RUFY2: variants seen among roughly 807,000 people sequenced by gnomAD.
RUFY2 encodes the protein RUN and FYVE domain containing 2.
Under a neutral mutation model 94.4 loss-of-function variants are expected in RUFY2, and 49 were observed. The ratio of observed to expected loss-of-function variants is 0.52; its 90% CI spans 0.41 to 0.66. The LOEUF is 0.66. Ranked by LOEUF, RUFY2 falls within the 30% of genes least tolerant of loss-of-function variation. The pLI, the probability that RUFY2 is intolerant of heterozygous loss-of-function variation, is 0.00. For missense variants in RUFY2, 541 were observed against 692.8 expected (o/e 0.78, Z 2.46); for synonymous variants, 255 against 235.7 (o/e 1.08, Z -0.75).
intron 4 of RUFY2, among the ~76,000 whole-genome samples, chr10:68,395,102 C>A (rs540489573): frequency 6.6e-6 from 1 of 151,824 alleles, no homozygotes; most frequent in South Asian, 2.1e-4. Context: ...CTTTGGGAGG[C>A]CAAGGCGGGA....
Position 68,343,554 on chromosome 10 carries a change from CATTTT to C in RUFY2, c.*2209_*2213del, listed in dbSNP as rs1270851721. 1.3e-5 allele frequency: 2 copies of C among 152,420 alleles called. No individual in the cohort carries two copies. Among genetic ancestry groups the C allele is most frequent in the African/African-American group, 4.8e-5 (2 of 41,368 alleles). 9.4% of individuals were successfully genotyped at this position (152,420 alleles called of 1,614,324 possible). A position where few individuals can be genotyped will look rare whatever the true frequency, so the allele number is the denominator to read the frequency against. On this transcript the variant is annotated 3_prime_UTR_variant, in exon 18 of 18. Transcript: ENST00000602465. ...ATATTTATTTAGTTCATAAAATTCA[CATTTT>C]ATTTTTTAAACATTATAGGTTAGAA...
chr10:68,378,128 G>A (rs1221192846), intron 12 of RUFY2: 2 of 985,732 alleles, frequency 2.0e-6, no homozygotes, highest in African/African-American at 3.5e-5. Context: ...GTGTTGGCCA[G>A]TCTGGGTTAT....
At chr10:68,402,780 G>A (rs982694021) in intron 2 of RUFY2, among the ~76,000 whole-genome samples, 10 of 146,868 alleles carry the variant, frequency 6.8e-5, no homozygotes, top group Non-Finnish European at 8.9e-5. Flanking sequence ...ATAAAATATC[G>A]CACAGCTATT....
chr10:68,384,141 T>C lies in RUFY2; in HGVS notation c.732A>G (p.Ala244=), dbSNP rs762736449. The C allele has an allele frequency of 6.2e-7, 1 of 1,606,794 alleles. No individual in the cohort carries two copies. Among genetic ancestry groups the C allele is most frequent in the South Asian group, 1.1e-5 (1 of 89,908 alleles). The change falls in exon 9 of 18, where the codon GCA becomes GCG. Residue 244 remains alanine (A), a synonymous_variant. Transcript: ENST00000602465. ...NTKLIEELAI[A]KNNIIKLQEE... ...CCTGGAGTTTAATGATGTTATTCTT[T>C]GCTATTGCTAACTAAAAATTAAGAA...
At chr10:68,404,879 T>C (rs1397159865) in intron 1 of RUFY2, 35 bp from the exon 2 acceptor site, 1 of 1,503,624 alleles carries the variant, frequency 6.7e-7, no homozygotes, top group Non-Finnish European at 9.0e-7. Context: ...ACATCATTTG[T>C]AAGACATGAC....
chr10:68,398,436 G>C (rs1409455005), intron 3 of RUFY2, among the ~76,000 whole-genome samples: 4 of 152,004 alleles, frequency 2.6e-5, no homozygotes, highest in Non-Finnish European at 4.4e-5. Flanking sequence ...TGGATCACTT[G>C]AGGTCAGGAG....
intron 12 of RUFY2, 90 bp downstream of exon 12, chr10:68,379,334 C>T: frequency 3.1e-6 from 3 of 973,516 alleles, no homozygotes; most frequent in African/African-American, 1.7e-5. Flanking sequence ...TCTATGTCTT[C>T]CTAATGGTTT....
chr10:68,368,934 G>C (rs1185870999), intron 13 of RUFY2, among the ~76,000 whole-genome samples: 1 of 152,084 alleles, frequency 6.6e-6, no homozygotes, highest in Non-Finnish European at 1.5e-5. Flanking sequence ...CCCTATTCCA[G>C]CAAAACACCC....
intron 7 of RUFY2, among the ~76,000 whole-genome samples, chr10:68,389,686 TG>T (rs1455070153): frequency 6.6e-6 from 1 of 151,994 alleles, no homozygotes; most frequent in Admixed American, 6.6e-5. Context: ...CCCAGAACTT[TG>T]GGAGGCCCAG....
chr10:68,355,323 C>A (rs553090568), intron 16 of RUFY2, 30 bp downstream of exon 16: 4 of 1,552,636 alleles, frequency 2.6e-6, no homozygotes, highest in South Asian at 2.2e-5. Context: ...TTTCACATAC[C>A]TTCCCACTTT....
downstream of RUFY2, chr10:68,343,133 T>G (rs550460075): frequency 6.6e-6 from 1 of 152,366 alleles, no homozygotes; most frequent in South Asian, 2.1e-4. Flanking sequence ...ATTCAGTTAT[T>G]GAACTTGTTA....
intron 13 of RUFY2, among the ~76,000 whole-genome samples, chr10:68,364,495 C>T (rs1479113105): frequency 2.6e-5 from 4 of 152,102 alleles, no homozygotes; most frequent in Non-Finnish European, 5.9e-5. Flanking sequence ...CACTTCTATG[C>T]CATGTGAAAA....
At chr10:68,406,865 C>G in intron 1 of RUFY2, 1 of 1,607,114 alleles carries the variant, frequency 6.2e-7, no homozygotes, top group Non-Finnish European at 8.5e-7. Context: ...AAAGTCATCG[C>G]CCCTCCCCGC....
chr10:68,401,050 T>C (rs576899626), intron 3 of RUFY2, among the ~76,000 whole-genome samples: 1 of 152,190 alleles, frequency 6.6e-6, no homozygotes, highest in Non-Finnish European at 1.5e-5. Context: ...TCTTAACACT[T>C]TACACCTACA....
chr10:68,382,824 A>T (rs2049181402), intron 10 of RUFY2, among the ~76,000 whole-genome samples: 1 of 152,126 alleles, frequency 6.6e-6, no homozygotes, highest in African/African-American at 2.4e-5. Flanking sequence ...GAGGTTACGC[A>T]GGTTATTTGT....
In RUFY2 at chr10:68,381,294, C is replaced by A; in HGVS notation, c.1045G>T (p.Gly349Cys). ...DIHEKQDTLI[G>C]LRQQLEEVKA... ...ACTTCCTCTAGTTGTTGTCGAAGGCCTATCAGAGTATCTTGTTTCTCATGG... is the reference window on the plus strand; with the variant it reads ...ACTTCCTCTAGTTGTTGTCGAAGGCATATCAGAGTATCTTGTTTCTCATGG... Residue 349 changes from glycine (G) to cysteine (C), a missense_variant, in exon 11 of 18, where the codon GGC (glycine) becomes TGC (cysteine). By Grantham distance (159) the Gly-to-Cys change is radical (BLOSUM62 -3). Coordinates refer to ENST00000602465, the MANE Select transcript of RUFY2 (RefSeq NM_001330103.2). 1 of 1,613,870 alleles carries A rather than the reference C, an allele frequency of 6.2e-7. No homozygotes were observed. Among genetic ancestry groups the A allele is most frequent in the Non-Finnish European group, 8.5e-7 (1 of 1,179,896 alleles).
intron 7 of RUFY2, among the ~76,000 whole-genome samples, chr10:68,387,311 T>G (rs2049581976): frequency 6.6e-6 from 1 of 151,782 alleles, no homozygotes; most frequent in African/African-American, 2.4e-5. Flanking sequence ...GAGCCGAGAT[T>G]GCGCCACTGT....
At chr10:68,341,686 TAA>T (rs1311206112), downstream of RUFY2, 2 of 1,607,020 alleles carry the variant, frequency 1.2e-6, no homozygotes, top group Non-Finnish European at 1.7e-6. Context: ...AATGGGTATG[TAA>T]AGTTTTTAAA....
At chr10:68,368,615 C>T (rs1305896551) in intron 13 of RUFY2, among the ~76,000 whole-genome samples, 3 of 151,892 alleles carry the variant, frequency 2.0e-5, no homozygotes, top group East Asian at 1.9e-4. Flanking sequence ...GCCAAGATCG[C>T]GCCATTGCAT....
Sources: allele counts gnomAD v4.1 joint callset (sites outside exome capture counted in the v4.1 genomes callset), GRCh38; gene constraint gnomAD v4.1.1; transcripts MANE v1.5; gene names NCBI Gene and HGNC (gene_info 2026-07-23, HGNC 2026-07-21).